Variants in RIMBP2 observed in about 807,000 individuals in gnomAD.
The protein encoded by RIMBP2 is RIMS binding protein 2, also known as RIMS-binding protein 2.
Under a neutral mutation model 118.6 loss-of-function variants are expected in RIMBP2, and 48 were observed. The observed-to-expected ratio is 0.40, with a 90% confidence interval of 0.32 to 0.51. The LOEUF (loss-of-function observed/expected upper bound fraction) is 0.51, where lower values mean the gene tolerates loss of function less well. RIMBP2 is among the 20% of genes least tolerant of loss of function. RIMBP2 has a pLI of 0.41. For missense variants in RIMBP2, 1,551 were observed against 1,768.3 expected (o/e 0.88, Z 2.20); for synonymous variants, 762 against 742.9 (o/e 1.03, Z -0.42).
rs964523308 is a variant in RIMBP2 at position 130,664,608 on chromosome 12, C to T, written c.-351-36152G>A. ...ATATCACTCGCCACCCAGAGAAGCA[C>T]GGGCTCCTTCAGGAAGGGGCTAACT... On this transcript the variant is annotated intron_variant, in intron 1 of 22. Transcript: ENST00000690449. 1.2e-4 allele frequency among the ~76,000 whole-genome samples: 18 copies of T among 151,558 alleles called. 1 individual carries two copies. Among genetic ancestry groups the T allele is most frequent in the African/African-American group, 3.9e-4 (16 of 40,920 alleles).
intron 7 of RIMBP2, among the ~76,000 whole-genome samples, chr12:130,453,644 C>T (rs2079177885): frequency 6.6e-6 from 1 of 152,224 alleles, no homozygotes; most frequent in Non-Finnish European, 1.5e-5. Flanking sequence ...GGCCAACTCG[C>T]AGAAGCAGAG....
chr12:130,578,652 C>A lies in RIMBP2; in HGVS notation c.-217+49670G>T, dbSNP rs1417834601. 6.6e-6 allele frequency among the ~76,000 whole-genome samples: 1 copy of A among 152,202 alleles called. No individual in the cohort carries two copies. The highest frequency in any genetic ancestry group is 1.5e-5 in the Non-Finnish European group (1 of 68,050). ...CGTTAGCTCATTCCTTGACATTCAG[C>A]TCTCAGCGCAAATGCCCCCTTCTCA... On this transcript the variant is annotated intron_variant, in intron 2 of 22. Coordinates refer to ENST00000690449, the MANE Select transcript of RIMBP2 (RefSeq NM_001393629.1). This position sits in a 1 kb window ranked among gnomAD's most constrained non-coding sequence, Gnocchi z 4.1.
At chr12:130,532,786 T>G (rs1423354796) in intron 2 of RIMBP2, among the ~76,000 whole-genome samples, 3 of 144,928 alleles carry the variant, frequency 2.1e-5, no homozygotes, top group Non-Finnish European at 3.0e-5. Context: ...CTCTAGGAGT[T>G]ACGTCTAATG....
In RIMBP2 at chr12:130,524,334, T is replaced by C. The variant is rs2052522696; in HGVS notation, c.-216-6417A>G. ...GGCATGAGCCAGGCCAGATTCCCAGTGGCCTCAAGCAGAGCCGAGCCAGGC... is the reference window on the plus strand; with the variant it reads ...GGCATGAGCCAGGCCAGATTCCCAGCGGCCTCAAGCAGAGCCGAGCCAGGC... On this transcript the variant is annotated intron_variant, in intron 2 of 22. Transcript: ENST00000690449. Among the ~76,000 whole-genome samples, 3 of 149,460 alleles carry C rather than the reference T, an allele frequency of 2.0e-5. 1 individual carries two copies. The highest frequency in any genetic ancestry group is 4.2e-4 in the South Asian group (2 of 4,792).
chr12:130,669,782 C>T (rs1165324229), intron 1 of RIMBP2, among the ~76,000 whole-genome samples: 2 of 152,066 alleles, frequency 1.3e-5, no homozygotes, highest in African/African-American at 2.4e-5. Context: ...ATACCCTTTC[C>T]GAGTGTGCCA....
chr12:130,470,000 C>T lies in RIMBP2; in HGVS notation c.153+693G>A, dbSNP rs1366731497. ...CCCTCCCTGTCTGCCTGGCTACTCA[C>T]TCCCAAGGAGGCTGGCATTGGACCA... On this transcript the variant is annotated intron_variant, in intron 6 of 22. Coordinates refer to ENST00000690449, the MANE Select transcript of RIMBP2 (RefSeq NM_001393629.1). The surrounding 1 kb of genome is among the most constrained non-coding windows in gnomAD (Gnocchi z 4.8). 6.6e-6 allele frequency among the ~76,000 whole-genome samples: 1 copy of T among 152,202 alleles called. No individual in the cohort carries two copies. The highest frequency in any genetic ancestry group is 2.4e-5 in the African/African-American group (1 of 41,454).
intron 3 of RIMBP2, 141 bp downstream of exon 3, chr12:130,517,685 TGA>T: frequency 6.1e-6 from 1 of 163,432 alleles, no homozygotes; most frequent in Non-Finnish European, 1.3e-5. Context: ...TGTGAAGAAG[TGA>T]GAGAGACCTG....
chr12:130,470,728 T>G lies in RIMBP2; in HGVS notation c.118A>C (p.Lys40Gln), dbSNP rs2080931956. 8.1e-7 allele frequency: 1 copy of G among 1,232,000 alleles called. No individual in the cohort carries two copies. The highest frequency in any genetic ancestry group is 3.2e-5 in the East Asian group (1 of 31,698). 76.3% of individuals were successfully genotyped at this position (1,232,000 alleles called of 1,614,324 possible). A position where few individuals can be genotyped will look rare whatever the true frequency, so the allele number is the denominator to read the frequency against. The change falls in exon 6 of 23, where the codon AAG (lysine) becomes CAG (glutamine). Residue 40 changes from lysine to glutamine, a missense_variant. This residue lies in a region of RIMBP2 where 239 missense variants were observed against 256.8 expected (regional missense o/e 0.93). Coordinates refer to ENST00000690449, the MANE Select transcript of RIMBP2 (RefSeq NM_001393629.1). ...CGCACTGCGCCTTCATGCTCCTTCT[T>G]AGCCTCAACCTGAGCCTTTTTTATG... The part of the protein sequence containing the change: ...DLLQKAQVEA[K>Q]KEHEGAVRLL...
intron 2 of RIMBP2, among the ~76,000 whole-genome samples, chr12:130,567,422 C>T (rs995468252): frequency 4.6e-5 from 7 of 152,172 alleles, no homozygotes; most frequent in East Asian, 3.8e-4. Context: ...GTTAGGATTG[C>T]GCTCATGTGC....
Position 130,436,937 on chromosome 12 carries a change from G to A in RIMBP2, c.2011C>T (p.Arg671Cys), listed in dbSNP as rs777835559. 19 of 1,602,084 alleles carry A rather than the reference G, an allele frequency of 1.2e-5. No individual in the cohort carries two copies. The highest frequency in any genetic ancestry group is 5.1e-5 in the Admixed American group (3 of 58,740). ...GPGRRSPSPSRILPQPQGTPV... is the reference protein window; with the variant it reads ...GPGRRSPSPSCILPQPQGTPV... ...GTGCCCTGTGGCTGTGGCAGGATGC[G>A]GCTGGGTGAGGGCGACCGCCTTCCG... is the stretch of plus-strand genomic sequence containing the variant. Residue 671 changes from arginine to cysteine, a missense_variant, in exon 13 of 23, where the codon CGC (arginine) becomes TGC (cysteine). Physicochemically the swap from Arg to Cys is radical, Grantham distance 180. Around this residue, in one of 5 missense-constraint regions of RIMBP2, gnomAD observed 1,038 missense variants for 1,125.1 expected, o/e 0.92. Transcript: ENST00000690449.
chr12:130,531,057 A>G (rs2053318836), intron 2 of RIMBP2, among the ~76,000 whole-genome samples: 1 of 152,232 alleles, frequency 6.6e-6, no homozygotes, highest in African/African-American at 2.4e-5. Flanking sequence ...GAGACCTCCA[A>G]GTATTAGAAA....
intron 12 of RIMBP2, 31 bp downstream of exon 12, chr12:130,438,334 A>ATCCCCCCCCCCCCCCCCC: frequency 7.4e-7 from 1 of 1,344,512 alleles, no homozygotes; most frequent in Non-Finnish European, 1.1e-6. Context: ...GGGCCTAACA[A>ATCCCCCCCCCCCCCCCCC]ACCCTCCCCA....
chr12:130,643,258 C>T (rs12301985), intron 1 of RIMBP2, among the ~76,000 whole-genome samples: 2,316 of 152,312 alleles, frequency 0.015, 65 homozygotes, highest in African/African-American at 0.051. Flanking sequence ...CCCGGGTGCA[C>T]GGGCCACAGC....
intron 2 of RIMBP2, among the ~76,000 whole-genome samples, chr12:130,593,268 G>A (rs1263699952): frequency 1.3e-5 from 2 of 152,168 alleles, no homozygotes; most frequent in East Asian, 1.9e-4. Context: ...ACACCTTTCC[G>A]CAACAGGGCG....
At chr12:130,480,853 G>A (rs957907870) in intron 4 of RIMBP2, among the ~76,000 whole-genome samples, 29 of 152,168 alleles carry the variant, frequency 1.9e-4, no homozygotes, top group African/African-American at 5.6e-4. Flanking sequence ...CGCCTGCCTC[G>A]GCCTCCCAAA....
At chr12:130,711,939 C>T (rs576278147) in intron 1 of RIMBP2, among the ~76,000 whole-genome samples, 14 of 152,386 alleles carry the variant, frequency 9.2e-5, no homozygotes, top group African/African-American at 3.1e-4. Flanking sequence ...AGCTGTGCAG[C>T]CCGTGACTGT....
intron 2 of RIMBP2, among the ~76,000 whole-genome samples, chr12:130,543,963 G>A (rs1398491394): frequency 2.6e-5 from 4 of 152,150 alleles, no homozygotes; most frequent in African/African-American, 7.2e-5. Context: ...GATTGTCACC[G>A]TTTTAACCTG....
At chr12:130,481,055 G>T (rs1194786758) in intron 4 of RIMBP2, among the ~76,000 whole-genome samples, 1 of 152,140 alleles carries the variant, frequency 6.6e-6, no homozygotes, top group African/African-American at 2.4e-5. Flanking sequence ...CTGGCAGGGG[G>T]GAGGCGAGGG....
chr12:130,611,938 C>A (rs1047357112), intron 2 of RIMBP2, among the ~76,000 whole-genome samples: 1 of 152,212 alleles, frequency 6.6e-6, no homozygotes, highest in African/African-American at 2.4e-5. Context: ...AACCAATTGG[C>A]TGCAGGATTG....
Sources: gnomAD v4.1 joint callset for allele counts (sites outside exome capture counted in the v4.1 genomes callset) on GRCh38, gnomAD v4.1.1 for gene constraint, gnomAD v4.1.1 regional missense constraint, Gnocchi (gnomAD v3.1) non-coding constraint, MANE v1.5 for transcripts, NCBI Gene and HGNC (gene_info 2026-07-23, HGNC 2026-07-21) for gene names.